The following LOC400499 variants were observed in gnomAD, a reference collection of about 807,000 sequenced individuals.
the LOC400499 span, among the ~76,000 whole-genome samples, chr16:11,388,365 CTT>C: frequency 6.6e-6 from 1 of 152,166 alleles, no homozygotes; most frequent in Admixed American, 6.5e-5. Context: ...CACAGGGAGT[CTT>C]TTCCCCATGA....
chr16:11,424,182 C>T, the LOC400499 span: 102 of 399,378 alleles, frequency 2.6e-4, no homozygotes, highest in African/African-American at 1.5e-3. Context: ...GTGGGTGTGA[C>T]GGAGGCTGGC....
the LOC400499 span, among the ~76,000 whole-genome samples, chr16:11,502,414 G>A: frequency 6.6e-6 from 1 of 152,146 alleles, no homozygotes; most frequent in Non-Finnish European, 1.5e-5. Flanking sequence ...TGATTTAGCA[G>A]GTATTTATTG....
the LOC400499 span, among the ~76,000 whole-genome samples, chr16:11,524,937 C>T: frequency 2.6e-5 from 4 of 152,184 alleles, no homozygotes; most frequent in South Asian, 2.1e-4. Flanking sequence ...CAAAACCACC[C>T]CGCTGCACCT....
the LOC400499 span, among the ~76,000 whole-genome samples, chr16:11,513,246 C>T: frequency 1.3e-5 from 2 of 151,412 alleles, no homozygotes; most frequent in Non-Finnish European, 2.9e-5. Flanking sequence ...TCAACAACAA[C>T]AACAAAAAAT....
At chr16:11,499,719 C>T in the LOC400499 span, among the ~76,000 whole-genome samples, 1 of 152,134 alleles carries the variant, frequency 6.6e-6, no homozygotes, top group Non-Finnish European at 1.5e-5. Context: ...CCCCAGGGAC[C>T]CCAGCTGCCT....
chr16:11,402,263 A>C, the LOC400499 span: 1 of 398,462 alleles, frequency 2.5e-6, no homozygotes, highest in East Asian at 3.6e-5. Flanking sequence ...CTGCCAGCTC[A>C]CGCAAATGGC....
the LOC400499 span, among the ~76,000 whole-genome samples, chr16:11,380,378 G>A: frequency 2.9e-3 from 443 of 152,010 alleles, no homozygotes; most frequent in African/African-American, 9.8e-3. Flanking sequence ...TCAGGAGTTC[G>A]AGACCAGCCT....
the LOC400499 span, among the ~76,000 whole-genome samples, chr16:11,512,903 G>A: frequency 0.59 from 89,716 of 151,888 alleles, 26,951 homozygotes; most frequent in Admixed American, 0.66. Flanking sequence ...GGTGCAGAGC[G>A]AAGTCGGAGA....
At chr16:11,520,358 T>C in the LOC400499 span, among the ~76,000 whole-genome samples, 1 of 152,022 alleles carries the variant, frequency 6.6e-6, no homozygotes, top group East Asian at 1.9e-4. Flanking sequence ...TCTATGGTGA[T>C]AGAAATAAAA....
At chr16:11,492,509 C>T in the LOC400499 span, among the ~76,000 whole-genome samples, 141 of 152,138 alleles carry the variant, frequency 9.3e-4, no homozygotes, top group African/African-American at 3.1e-3. Context: ...GGTGGCCGGG[C>T]GCGGTGGCTC....
At chr16:11,461,760 C>T in the LOC400499 span, among the ~76,000 whole-genome samples, 6 of 152,248 alleles carry the variant, frequency 3.9e-5, no homozygotes, top group Admixed American at 6.5e-5. Flanking sequence ...TGGAATCTTC[C>T]GGAACACCCA....
At chr16:11,420,154 T>C in the LOC400499 span, among the ~76,000 whole-genome samples, 11 of 150,764 alleles carry the variant, frequency 7.3e-5, no homozygotes, top group East Asian at 3.9e-4. Flanking sequence ...CGTATGTTTA[T>C]TGCGGCACTA....
the LOC400499 span, chr16:11,387,221 C>G: frequency 8.1e-7 from 1 of 1,232,364 alleles, no homozygotes; most frequent in South Asian, 4.1e-5. Flanking sequence ...CATGAGGTAG[C>G]TGGTCACCCG....
At chr16:11,383,560 G>T in the LOC400499 span, 1 of 1,205,702 alleles carries the variant, frequency 8.3e-7, no homozygotes, top group South Asian at 4.2e-5. Flanking sequence ...CCTCCCTGGT[G>T]AGAGAAAGGG....
At chr16:11,380,685 T>A in the LOC400499 span, among the ~76,000 whole-genome samples, 1 of 146,486 alleles carries the variant, frequency 6.8e-6, no homozygotes, top group African/African-American at 2.5e-5. Flanking sequence ...AAGAGGGGAA[T>A]AACTTAGCCC....
chr16:11,395,718 G>T, the LOC400499 span, among the ~76,000 whole-genome samples: 1 of 152,246 alleles, frequency 6.6e-6, no homozygotes, highest in Non-Finnish European at 1.5e-5. Flanking sequence ...CAGAGGGGAA[G>T]ACTGAGGCTC....
the LOC400499 span, among the ~76,000 whole-genome samples, chr16:11,503,285 TA>T: frequency 6.6e-6 from 1 of 152,162 alleles, no homozygotes; most frequent in Non-Finnish European, 1.5e-5. Context: ...AAGGGCATTA[TA>T]GGGGGTGCAG....
chr16:11,410,620 G>A, the LOC400499 span, among the ~76,000 whole-genome samples: 3 of 152,358 alleles, frequency 2.0e-5, no homozygotes, highest in Admixed American at 6.5e-5. Context: ...CTGGGAGGGT[G>A]CCTACCAAAA....
the LOC400499 span, among the ~76,000 whole-genome samples, chr16:11,374,006 A>G: frequency 6.6e-6 from 1 of 152,124 alleles, no homozygotes; most frequent in Non-Finnish European, 1.5e-5. Flanking sequence ...TCTTTCTACT[A>G]CATTCTGGTT....
Sources: allele counts gnomAD v4.1 joint callset (sites outside exome capture counted in the v4.1 genomes callset), GRCh38; gene constraint gnomAD v4.1.1; transcripts MANE v1.5.